The following MEGF6 variants were observed in gnomAD, a reference collection of about 807,000 sequenced individuals.
The protein encoded by MEGF6 is multiple epidermal growth factor-like domains protein 6.
MEGF6 carries 184 observed loss-of-function variants against 207.1 expected under a neutral mutation model. The observed-to-expected ratio is 0.89, with a 90% CI of 0.79 to 1.00. MEGF6 has a LOEUF of 1.00. MEGF6 is among the 50% of genes least tolerant of loss of function. The pLI, the probability that MEGF6 is intolerant of heterozygous loss-of-function variation, is 0.00. For synonymous variants in MEGF6, 1,038 were observed against 910.0 expected, an observed-to-expected ratio of 1.14 and a Z score of -2.53; for missense variants, 2,282 against 2,202.9, an observed-to-expected ratio of 1.04 and a Z score of -0.72.
At chr1:3,531,224 C>A in intron 4 of MEGF6, 1 of 1,485,242 alleles carries the variant, frequency 6.7e-7, no homozygotes, top group Admixed American at 2.4e-5. Context: ...GCGGCCAGCC[C>A]GCGGTCCCGG....
intron 5 of MEGF6, among the ~76,000 whole-genome samples, chr1:3,520,108 G>A (rs1017916537): frequency 2.0e-5 from 3 of 152,254 alleles, no homozygotes; most frequent in East Asian, 3.8e-4. Context: ...GTGGCACAGC[G>A]TGTTTCATCT....
chr1:3,505,074 G>A (rs1291129823), intron 17 of MEGF6, 134 bp downstream of exon 17: 1 of 1,071,606 alleles, frequency 9.3e-7, no homozygotes, highest in Admixed American at 2.6e-5. Context: ...CCGGTAGCAA[G>A]GCACCACCTG....
At chr1:3,618,351 A>T in the MEGF6 span, among the ~76,000 whole-genome samples, 6 of 151,772 alleles carry the variant, frequency 4.0e-5, no homozygotes, top group Non-Finnish European at 8.8e-5. The surrounding 1 kb of genome is among the most constrained non-coding windows in gnomAD (Gnocchi z 4.7). Context: ...GGTCCCACTC[A>T]CCCAAAGGAA....
At chr1:3,559,643 G>C (rs1421973221) in intron 4 of MEGF6, among the ~76,000 whole-genome samples, 3 of 151,868 alleles carry the variant, frequency 2.0e-5, no homozygotes, top group Non-Finnish European at 4.4e-5. Context: ...GACACTGAAA[G>C]CGCAGAGCCA....
intron 6 of MEGF6, among the ~76,000 whole-genome samples, chr1:3,514,919 C>G (rs1385444990): frequency 2.0e-5 from 3 of 152,182 alleles, no homozygotes; most frequent in African/African-American, 7.2e-5. Flanking sequence ...GCCAGCTCCT[C>G]CCACCACCCT....
chr1:3,494,553 TG>T, intron 31 of MEGF6, 54 bp from the exon 32 acceptor site: 2 of 1,565,216 alleles, frequency 1.3e-6, no homozygotes, highest in South Asian at 1.2e-5. Context: ...CCCAGCCCTA[TG>T]GCAGCCCAGG....
chr1:3,526,708 C>T (rs545933983), intron 4 of MEGF6, among the ~76,000 whole-genome samples: 16 of 152,170 alleles, frequency 1.1e-4, no homozygotes, highest in African/African-American at 3.6e-4. Flanking sequence ...CCAGGTGACA[C>T]CTTTTATCCG....
At chr1:3,568,928 A>G (rs145123048) in intron 4 of MEGF6, among the ~76,000 whole-genome samples, 1 of 152,282 alleles carries the variant, frequency 6.6e-6, no homozygotes, top group Non-Finnish European at 1.5e-5. Flanking sequence ...TCTACCCAGA[A>G]AAGAACATGC....
Position 3,505,182 on chromosome 1 carries a change from G to A in MEGF6, c.2188+26C>T, listed in dbSNP as rs112968459. On this transcript the variant is annotated intron_variant, in intron 17 of 36. Coordinates refer to ENST00000356575, the MANE Select transcript of MEGF6 (RefSeq NM_001409.4). ...GCCTACACCCCACAATGAGACTGCC[G>A]GGAGCCCCAGGGGCCGGCCACTCAC... The A allele has an allele frequency of 3.4e-4, 551 of 1,607,474 alleles. 1 individual carries two copies. The Middle Eastern group carries it at 4.5e-3, about 13-fold the overall frequency.
intron 29 of MEGF6, 50 bp downstream of exon 29, chr1:3,496,605 C>T (rs1330636257): frequency 1.3e-6 from 2 of 1,556,368 alleles, no homozygotes; most frequent in South Asian, 1.2e-5. Flanking sequence ...CTGGCCCTAC[C>T]CTGGAGACAC....
In MEGF6 at chr1:3,554,279, G is replaced by A. The variant is rs572381085; in HGVS notation, c.481+25546C>T. On this transcript the variant is annotated intron_variant, in intron 4 of 36. Transcript: ENST00000356575. The stretch of plus-strand genomic sequence containing the variant: ...CACTGGGCTGGGAGCATCAACCAGC[G>A]CCCCGACCAGGCGGCTCCGAGAGAG... Among the ~76,000 whole-genome samples, 9 of 152,266 alleles carry A rather than the reference G, an allele frequency of 5.9e-5. No homozygotes were observed. The East Asian group carries it at 1.4e-3, about 23-fold the overall frequency.
rs372104021 is a variant in MEGF6 at position 3,509,160 on chromosome 1, C to T, written c.1443G>A (p.Leu481=). Residue 481 remains leucine, a synonymous_variant, in exon 12 of 37, where the codon CTG becomes CTA. Transcript: ENST00000356575. ...LPHIAVLQDE[L]PQLFQDDDVG... ...CGTCGTCATCCTGGAAGAGTTGCGG[C>T]AGCTCGTCCTGGAGCACGGCAATGT... 283 of 1,584,594 alleles carry T rather than the reference C, an allele frequency of 1.8e-4. No homozygotes were observed. In the African/African-American group the frequency reaches 2.2e-3, roughly 12 times the overall value.
chr1:3,496,736 A>AC lies in MEGF6; in HGVS notation c.3660dup (p.Cys1221ValfsTer8), dbSNP rs939619276. ...GCATCACAGGAGCCCCCGTTGAGAC[A>AC]CCCACACAGCTGTTCACAGCCTGGC... On this transcript the variant is annotated frameshift_variant, in exon 29 of 37. Coordinates refer to ENST00000356575, the MANE Select transcript of MEGF6 (RefSeq NM_001409.4). LOFTEE classifies it high-confidence loss of function. 8.3e-6 allele frequency: 13 copies of AC among 1,560,052 alleles called. No homozygotes were observed. Among genetic ancestry groups the AC allele is most frequent in the Non-Finnish European group, 1.1e-5 (13 of 1,152,574 alleles).
chr1:3,499,837 C>G lies in MEGF6; in HGVS notation c.2795G>C (p.Cys932Ser). The G allele has an allele frequency of 6.4e-7, 1 of 1,553,670 alleles. No individual in the cohort carries two copies. Among genetic ancestry groups the G allele is most frequent in the Non-Finnish European group, 8.7e-7 (1 of 1,149,392 alleles). ...GCCCCTCCAGCCGGCCGGGCAGGTG[C>G]AGGCCCCGCTGACGTGGTCACAGGC... is the stretch of plus-strand genomic sequence containing the variant. ...GAACDHVSGACTCPAGWRGTF... is the reference protein window; with the variant it reads ...GAACDHVSGASTCPAGWRGTF... The change falls in exon 22 of 37, where the codon TGC (cysteine) becomes TCC (serine). Residue 932 changes from cysteine to serine, a missense_variant. Transcript: ENST00000356575.
chr1:3,585,182 T>C (rs1251515492), intron 3 of MEGF6, among the ~76,000 whole-genome samples: 1 of 129,190 alleles, frequency 7.7e-6, no homozygotes, highest in African/African-American at 3.0e-5. Flanking sequence ...TGTGTGTGGG[T>C]GTGAGTGACA....
chr1:3,610,043 T>C (rs958613067), intron 1 of MEGF6, among the ~76,000 whole-genome samples: 7 of 152,218 alleles, frequency 4.6e-5, no homozygotes, highest in African/African-American at 1.7e-4. Flanking sequence ...GACAAAGGCA[T>C]TGGAATCACA....
At chr1:3,526,741 C>CG (rs1357381660) in intron 4 of MEGF6, among the ~76,000 whole-genome samples, 2 of 152,166 alleles carry the variant, frequency 1.3e-5, no homozygotes, top group African/African-American at 2.4e-5. Context: ...ACCCTGCAGC[C>CG]GGGTTCACAG....
At chr1:3,564,188 G>T (rs939891425) in intron 4 of MEGF6, among the ~76,000 whole-genome samples, 1 of 150,470 alleles carries the variant, frequency 6.6e-6, no homozygotes, top group South Asian at 2.1e-4. Flanking sequence ...GAGTCGGGGT[G>T]GGGGAGCTGA....
chr1:3,534,596 G>A (rs1176476746), intron 4 of MEGF6, among the ~76,000 whole-genome samples: 1 of 152,186 alleles, frequency 6.6e-6, no homozygotes, highest in Non-Finnish European at 1.5e-5. Flanking sequence ...GGGAGGCCGA[G>A]TCTGGAGGCC....
Sources: gnomAD v4.1 joint callset for allele counts (sites outside exome capture counted in the v4.1 genomes callset) on GRCh38, gnomAD v4.1.1 for gene constraint, Gnocchi (gnomAD v3.1) non-coding constraint, MANE v1.5 for transcripts, NCBI Gene and HGNC (gene_info 2026-07-23, HGNC 2026-07-21) for gene names.